MALT1: variants seen among roughly 807,000 people sequenced by gnomAD.
The protein encoded by MALT1 is mucosa-associated lymphoid tissue lymphoma translocation protein 1.
MALT1 carries 36 observed loss-of-function variants against 85.5 expected under a neutral mutation model. The ratio of observed to expected loss-of-function variants is 0.42; its 90% CI spans 0.32 to 0.56. The LOEUF (loss-of-function observed/expected upper bound fraction) is 0.56. MALT1 is among the 20% of genes least tolerant of loss of function. The pLI, the probability that MALT1 is intolerant of heterozygous loss-of-function variation, is 0.10. For missense variants in MALT1, 716 were observed against 981.6 expected, an observed-to-expected ratio of 0.73 and a Z score of 3.62; for synonymous variants, 359 against 361.3, an observed-to-expected ratio of 0.99 and a Z score of 0.07.
intron 10 of MALT1, among the ~76,000 whole-genome samples, chr18:58,730,084 G>A (rs928438232): frequency 6.6e-6 from 1 of 152,194 alleles, no homozygotes; most frequent in African/African-American, 2.4e-5. Context: ...GCAAAGTTGT[G>A]GACGTTAAAA....
At chr18:58,690,095 G>A (rs1457320032) in intron 2 of MALT1, among the ~76,000 whole-genome samples, 3 of 152,292 alleles carry the variant, frequency 2.0e-5, no homozygotes, top group East Asian at 1.9e-4. Context: ...GAAAGCTTGC[G>A]GCACCCATGT....
chr18:58,729,327 T>TA (rs896045202), intron 10 of MALT1, among the ~76,000 whole-genome samples: 10 of 151,702 alleles, frequency 6.6e-5, no homozygotes, highest in Non-Finnish European at 2.9e-5. Flanking sequence ...CTGTCTCTAC[T>TA]AAAAATACAA....
intron 4 of MALT1, among the ~76,000 whole-genome samples, chr18:58,707,899 G>A (rs558416531): frequency 2.0e-5 from 3 of 152,254 alleles, no homozygotes; most frequent in South Asian, 2.1e-4. Context: ...TTGACATATC[G>A]AGAAGACTAG....
At position 58,709,513 on chromosome 18, in the gene MALT1, A is replaced by G; in HGVS notation, c.785A>G (p.Lys262Arg). 1.9e-6 allele frequency: 3 copies of G among 1,612,538 alleles called. No homozygotes were observed. The highest frequency in any genetic ancestry group is 2.5e-6 in the Non-Finnish European group (3 of 1,179,480). Reference sequence around the variant, plus strand: ...CCTATTCCTCACTACCAGTGGTTCAAAAATGAATTACCATTAACACATGAG... The same window carrying G: ...CCTATTCCTCACTACCAGTGGTTCAGAAATGAATTACCATTAACACATGAG... The part of the protein sequence containing the change: ...GSPIPHYQWF[K>R]NELPLTHETK... The change falls in exon 5 of 17, where the codon AAA becomes AGA. Residue 262 changes from lysine to arginine, a missense_variant. By Grantham distance (26) the Lys-to-Arg change is conservative. Around this residue, in one of 4 missense-constraint regions of MALT1, gnomAD observed 290 missense variants for 380.5 expected, o/e 0.76. Transcript: ENST00000649217.
intron 4 of MALT1, among the ~76,000 whole-genome samples, chr18:58,707,617 G>A (rs987736470): frequency 3.3e-5 from 5 of 151,688 alleles, no homozygotes; most frequent in Admixed American, 1.3e-4. Context: ...TTTCTTCTTC[G>A]TAAGTCTCAT....
At chr18:58,746,873 G>A (rs1018685199) in intron 16 of MALT1, among the ~76,000 whole-genome samples, 8 of 152,028 alleles carry the variant, frequency 5.3e-5, no homozygotes, top group Middle Eastern at 3.4e-3. Flanking sequence ...GACTACAGGC[G>A]CACACCACCA....
At position 58,671,685 on chromosome 18, in the gene MALT1, G is replaced by A. The variant is rs1036222536; in HGVS notation, c.42G>A (p.Ser14=). The change falls in exon 1 of 17, where the codon TCG becomes TCA. Residue 14 remains serine (S), a synonymous_variant. Coordinates refer to ENST00000649217, the MANE Select transcript of MALT1 (RefSeq NM_006785.4). ...ACCCGCTACAGGCCCTGCCGCCCTC[G>A]GCCGCCCCCACGGGGCCGCTGCTCG... ...LGDPLQALPP[S]AAPTGPLLAP... 15 of 1,249,568 alleles carry A rather than the reference G, an allele frequency of 1.2e-5. No homozygotes were observed. In the Middle Eastern group the frequency reaches 9.3e-4, roughly 78 times the overall value. 77.4% of individuals were successfully genotyped at this position (1,249,568 alleles called of 1,614,324 possible). A position where few individuals can be genotyped will look rare whatever the true frequency, so the allele number is the denominator to read the frequency against.
intron 10 of MALT1, among the ~76,000 whole-genome samples, chr18:58,731,858 TTC>T (rs772062185): frequency 1.3e-5 from 2 of 152,202 alleles, no homozygotes; most frequent in Non-Finnish European, 2.9e-5. Flanking sequence ...TCTTTTTTGT[TTC>T]TCTCAGTGCC....
Position 58,671,639 on chromosome 18 carries a change from G to A in MALT1, c.-5G>A. The A allele has an allele frequency of 8.2e-7, 1 of 1,214,918 alleles. No individual in the cohort carries two copies. Among genetic ancestry groups the A allele is most frequent in the Non-Finnish European group, 1.0e-6 (1 of 977,004 alleles). The allele number at this position is 1,214,918 out of a possible 1,614,324, so 75.3% of individuals were successfully genotyped here. ...CCCGGCAGTCCGGGGTCGCCGGCGA[G>A]GGCCATGTCGCTGTTGGGGGACCCG... On this transcript the variant is annotated 5_prime_UTR_variant, in exon 1 of 17. Transcript: ENST00000649217.
At chr18:58,706,257 A>G (rs979972077) in intron 4 of MALT1, among the ~76,000 whole-genome samples, 1 of 152,070 alleles carries the variant, frequency 6.6e-6, no homozygotes, top group African/African-American at 2.4e-5. Context: ...CCCAGATTCA[A>G]CTGATTCTCC....
At chr18:58,696,967 T>G (rs1170162153) in intron 3 of MALT1, among the ~76,000 whole-genome samples, 1 of 152,198 alleles carries the variant, frequency 6.6e-6, no homozygotes, top group Non-Finnish European at 1.5e-5. Context: ...AATGGGCCAT[T>G]TATTCCTTTT....
At chr18:58,679,804 C>T (rs1017461976) in intron 1 of MALT1, among the ~76,000 whole-genome samples, 3 of 152,166 alleles carry the variant, frequency 2.0e-5, no homozygotes, top group Admixed American at 6.5e-5. Flanking sequence ...GTGCCTTGGC[C>T]TCCCACAGTG....
chr18:58,744,444 C>T lies in MALT1; in HGVS notation c.1860C>T (p.Tyr620=), dbSNP rs779580621. 4 of 1,607,478 alleles carry T rather than the reference C, an allele frequency of 2.5e-6. No individual in the cohort carries two copies. The highest frequency in any genetic ancestry group is 1.7e-5 in the Admixed American group (1 of 59,378). Reference sequence around the variant, plus strand: ...TGATCATCTATACAAGTATAGTTTACAAACCACCGGAGATAATAATGTGTG... The same window carrying T: ...TGATCATCTATACAAGTATAGTTTATAAACCACCGGAGATAATAATGTGTG... The part of the protein sequence containing the change: ...NVMIIYTSIV[Y]KPPEIIMCDA... The change falls in exon 15 of 17, where the codon TAC becomes TAT. Residue 620 remains tyrosine (Y), a synonymous_variant. Transcript: ENST00000649217.
intron 2 of MALT1, among the ~76,000 whole-genome samples, chr18:58,688,698 C>A (rs928178940): frequency 2.6e-5 from 4 of 152,096 alleles, no homozygotes; most frequent in African/African-American, 9.7e-5. Flanking sequence ...CCTTTCCATC[C>A]TTCTTGTCTC....
intron 4 of MALT1, among the ~76,000 whole-genome samples, chr18:58,704,270 C>T (rs1446686782): frequency 6.6e-6 from 1 of 152,140 alleles, no homozygotes; most frequent in Non-Finnish European, 1.5e-5. Context: ...AAATAGTTTA[C>T]CATTTTGCAT....
At chr18:58,678,314 G>C (rs768285737) in intron 1 of MALT1, among the ~76,000 whole-genome samples, 1 of 152,140 alleles carries the variant, frequency 6.6e-6, no homozygotes, top group Non-Finnish European at 1.5e-5. Flanking sequence ...GTCACACCCT[G>C]GCACTATTAT....
intron 13 of MALT1, among the ~76,000 whole-genome samples, chr18:58,741,034 C>G (rs962557915): frequency 2.0e-5 from 3 of 152,118 alleles, no homozygotes; most frequent in Non-Finnish European, 4.4e-5. Context: ...ACACCAACTT[C>G]CTTTTTGTTG....
At chr18:58,714,238 T>C in intron 8 of MALT1, 129 bp downstream of exon 8, 1 of 465,578 alleles carries the variant, frequency 2.1e-6, no homozygotes, top group Non-Finnish European at 3.9e-6. Flanking sequence ...TAATATAATT[T>C]AAGGTTGAAA....
At chr18:58,687,405 G>A (rs1303524987) in intron 2 of MALT1, among the ~76,000 whole-genome samples, 1 of 152,204 alleles carries the variant, frequency 6.6e-6, no homozygotes, top group Non-Finnish European at 1.5e-5. Context: ...CAATTGACAT[G>A]TAAGAGAAAC....
Sources: gnomAD v4.1 joint callset for allele counts (sites outside exome capture counted in the v4.1 genomes callset) on GRCh38, gnomAD v4.1.1 for gene constraint, gnomAD v4.1.1 regional missense constraint, MANE v1.5 for transcripts, NCBI Gene and HGNC (gene_info 2026-07-23, HGNC 2026-07-21) for gene names.